Variants in MBNL2 observed in about 807,000 individuals in gnomAD.
The protein encoded by MBNL2 is muscleblind like splicing regulator 2.
In MBNL2, 17 loss-of-function variants were observed where a neutral mutation model predicts 41.9. The ratio of observed to expected loss-of-function variants is 0.41; its 90% CI spans 0.28 to 0.61. The LOEUF is 0.61. Ranked by LOEUF, MBNL2 falls within the 20% of genes least tolerant of loss-of-function variation. The probability of loss-of-function intolerance (pLI) is 0.35; values close to 1 mark genes in which losing one functional copy is unlikely to be tolerated. For synonymous variants in MBNL2, 195 were observed against 182.9 expected, an observed-to-expected ratio of 1.07 and a Z score of -0.53; for missense variants, 336 against 505.6, an observed-to-expected ratio of 0.66 and a Z score of 3.22.
the MBNL2 span, among the ~76,000 whole-genome samples, chr13:97,153,585 T>C: frequency 6.6e-6 from 1 of 152,146 alleles, no homozygotes; most frequent in Admixed American, 6.6e-5. Flanking sequence ...AAAAAGTAAA[T>C]ATACAGTAAG....
At chr13:97,246,155 A>C (rs563269843) in intron 1 of MBNL2, among the ~76,000 whole-genome samples, 1 of 152,210 alleles carries the variant, frequency 6.6e-6, no homozygotes, top group African/African-American at 2.4e-5. Context: ...ATTTGAATGC[A>C]TACCACTTGT....
At chr13:97,250,872 A>G (rs1375790110) in intron 1 of MBNL2, among the ~76,000 whole-genome samples, 3 of 152,128 alleles carry the variant, frequency 2.0e-5, no homozygotes, top group Non-Finnish European at 4.4e-5. Context: ...AGTTTTAGCC[A>G]TGGTATATAC....
chr13:97,207,813 A>G, the MBNL2 span, among the ~76,000 whole-genome samples: 1 of 152,220 alleles, frequency 6.6e-6, no homozygotes, highest in African/African-American at 2.4e-5. Flanking sequence ...AGTCCCTTCC[A>G]CCTATGAGCC....
intron 7 of MBNL2, among the ~76,000 whole-genome samples, chr13:97,359,398 G>A (rs1460602318): frequency 6.6e-6 from 1 of 152,166 alleles, no homozygotes; most frequent in East Asian, 1.9e-4. Flanking sequence ...CTGGTGCTAA[G>A]CCTGCCAAAA....
chr13:97,181,101 C>T, the MBNL2 span, among the ~76,000 whole-genome samples: 102 of 152,052 alleles, frequency 6.7e-4, no homozygotes, highest in African/African-American at 2.4e-3. Context: ...CTCTCCCCCC[C>T]ACCTTCTCTG....
chr13:97,359,298 A>G (rs1566439900), intron 7 of MBNL2, among the ~76,000 whole-genome samples: 1 of 152,190 alleles, frequency 6.6e-6, no homozygotes, highest in East Asian at 1.9e-4. Flanking sequence ...AAGGAAGAAT[A>G]TACTGAGGGG....
At chr13:97,190,425 G>A in the MBNL2 span, among the ~76,000 whole-genome samples, 7 of 152,298 alleles carry the variant, frequency 4.6e-5, no homozygotes, top group Admixed American at 3.9e-4. Flanking sequence ...GTTTTAACAC[G>A]TGAAGAACAT....
Position 97,298,516 on chromosome 13 carries a change from C to A in MBNL2, c.174+22107C>A, listed in dbSNP as rs537509501. Among the ~76,000 whole-genome samples the A allele has an allele frequency of 2.5e-4, 38 of 152,294 alleles. 1 individual carries two copies. In the South Asian group the frequency reaches 6.4e-3, roughly 26 times the overall value. On this transcript the variant is annotated intron_variant, in intron 2 of 8. Coordinates refer to ENST00000679496, the MANE Select transcript of MBNL2 (RefSeq NM_001382683.1). ...TCTGAGACTTAACAAGATTCAGTATCTTTTGCAAAATCACACAATAGCTGG... is the reference window on the plus strand; with the variant it reads ...TCTGAGACTTAACAAGATTCAGTATATTTTGCAAAATCACACAATAGCTGG...
At chr13:97,144,420 C>CTTTTTTT in the MBNL2 span, among the ~76,000 whole-genome samples, 26 of 87,586 alleles carry the variant, frequency 3.0e-4, 1 homozygote, top group African/African-American at 1.3e-3. Flanking sequence ...AGACATGATA[C>CTTTTTTT]TTCTTTTTTT....
intron 2 of MBNL2, among the ~76,000 whole-genome samples, chr13:97,278,689 A>G (rs546483472): frequency 1.3e-5 from 2 of 152,246 alleles, no homozygotes; most frequent in Admixed American, 6.5e-5. Context: ...GGCTTTAAAA[A>G]TCATTTTCAG....
intron 2 of MBNL2, among the ~76,000 whole-genome samples, chr13:97,322,390 T>C (rs1349421982): frequency 3.9e-5 from 6 of 152,206 alleles, no homozygotes; most frequent in Admixed American, 3.9e-4. Flanking sequence ...TGGTTCAATT[T>C]ACGATTTTTG....
chr13:97,235,395 A>G, intron 1 of MBNL2, among the ~76,000 whole-genome samples: 1 of 152,210 alleles, frequency 6.6e-6, no homozygotes, highest in East Asian at 1.9e-4. Context: ...ACCTCATTCA[A>G]TAATTGATCA....
the MBNL2 span, among the ~76,000 whole-genome samples, chr13:97,158,862 T>G: frequency 2.0e-5 from 3 of 151,696 alleles, no homozygotes; most frequent in South Asian, 2.1e-4. Context: ...CTGAAAAAAA[T>G]GTATATTCTG....
intron 2 of MBNL2, among the ~76,000 whole-genome samples, chr13:97,320,109 G>A (rs890528282): frequency 6.6e-6 from 1 of 152,138 alleles, no homozygotes; most frequent in African/African-American, 2.4e-5. Context: ...TGTTAGAGGT[G>A]GCTGTGCTCG....
the MBNL2 span, among the ~76,000 whole-genome samples, chr13:97,215,399 C>T: frequency 1.3e-5 from 2 of 152,260 alleles, no homozygotes; most frequent in South Asian, 2.1e-4. Context: ...ACTGTGCGAC[C>T]TACTAGCTCA....
At chr13:97,371,500 G>A (rs1198552165) in intron 8 of MBNL2, among the ~76,000 whole-genome samples, 2 of 152,118 alleles carry the variant, frequency 1.3e-5, no homozygotes, top group African/African-American at 4.8e-5. Context: ...CAGAGCATCC[G>A]TTTGTGGGAG....
intron 2 of MBNL2, among the ~76,000 whole-genome samples, chr13:97,313,216 T>G (rs1397478366): frequency 6.6e-6 from 1 of 152,206 alleles, no homozygotes; most frequent in Non-Finnish European, 1.5e-5. Flanking sequence ...AATCTTTGCC[T>G]TTGTCAGGAT....
At chr13:97,307,951 G>C (rs532303423) in intron 2 of MBNL2, among the ~76,000 whole-genome samples, 1 of 152,176 alleles carries the variant, frequency 6.6e-6, no homozygotes, top group Non-Finnish European at 1.5e-5. Context: ...TGAGAATGCT[G>C]TTCACAGATA....
the MBNL2 span, among the ~76,000 whole-genome samples, chr13:97,185,334 A>G: frequency 6.6e-6 from 1 of 152,234 alleles, no homozygotes; most frequent in Non-Finnish European, 1.5e-5. Flanking sequence ...TGGAATGAGA[A>G]TCAGGTTTTT....
Sources: gnomAD v4.1 joint callset for allele counts (sites outside exome capture counted in the v4.1 genomes callset) on GRCh38, gnomAD v4.1.1 for gene constraint, MANE v1.5 for transcripts, NCBI Gene and HGNC (gene_info 2026-07-23, HGNC 2026-07-21) for gene names.